DHDDS: variants seen among roughly 807,000 people sequenced by gnomAD.
DHDDS encodes dehydrodolichyl diphosphate synthase subunit, also known as dehydrodolichyl diphosphate synthase complex subunit DHDDS.
In DHDDS, 16 loss-of-function variants were observed where a neutral mutation model predicts 46.2. That is an observed-to-expected ratio of 0.35 (90% CI 0.23 to 0.53). The LOEUF (loss-of-function observed/expected upper bound fraction) is 0.53, where lower values mean the gene tolerates loss of function less well. DHDDS is among the 20% of genes least tolerant of loss of function. The pLI, the probability that DHDDS is intolerant of heterozygous loss-of-function variation, is 0.94. For missense variants in DHDDS, 340 were observed against 423.7 expected, an observed-to-expected ratio of 0.80 and a Z score of 1.73; for synonymous variants, 151 against 163.1, an observed-to-expected ratio of 0.93 and a Z score of 0.56.
At chr1:26,453,093 AACAC>A (rs57753843) in intron 6 of DHDDS, among the ~76,000 whole-genome samples, 2,505 of 146,466 alleles carry the variant, frequency 0.017, 41 homozygotes, top group African/African-American at 0.043. Context: ...CCCTGTCTGA[AACAC>A]ACACACACAC....
At chr1:26,435,991 C>G (rs1557432954) in intron 2 of DHDDS, among the ~76,000 whole-genome samples, 1 of 152,052 alleles carries the variant, frequency 6.6e-6, no homozygotes, top group African/African-American at 2.4e-5. Flanking sequence ...CTCAAGTGAT[C>G]CACCCACCTT....
intron 8 of DHDDS, among the ~76,000 whole-genome samples, chr1:26,461,667 G>T (rs527381426): frequency 3.0e-4 from 45 of 152,228 alleles, no homozygotes; most frequent in Non-Finnish European, 5.4e-4. Flanking sequence ...TTACAGGCAT[G>T]AGCCACCAAG....
intron 3 of DHDDS, 108 bp from the exon 4 acceptor site, chr1:26,442,623 G>A (rs2075229503): frequency 1.0e-5 from 14 of 1,364,742 alleles, no homozygotes; most frequent in Non-Finnish European, 1.5e-5. Flanking sequence ...TTGGGGAGGA[G>A]AAAAGTCTGT....
chr1:26,450,142 AGTCT>A lies in DHDDS; in HGVS notation c.542+2491_542+2494del, dbSNP rs199973650. ...AAGAGGGGATGAGAAAGCTAAGGAGAGTCTGTCTGTCTATCTGTGTATTTATCTA... is the reference window on the plus strand; with the variant it reads ...AAGAGGGGATGAGAAAGCTAAGGAGAGTCTGTCTATCTGTGTATTTATCTA... On this transcript the variant is annotated intron_variant, in intron 6 of 8. Coordinates refer to ENST00000236342, the MANE Select transcript of DHDDS (RefSeq NM_205861.3). Among the ~76,000 whole-genome samples the A allele has an allele frequency of 2.7e-3, 407 of 152,114 alleles. 1 individual carries two copies. The highest frequency in any genetic ancestry group is 9.1e-3 in the African/African-American group (379 of 41,472).
intron 5 of DHDDS, 47 bp downstream of exon 5, chr1:26,446,479 C>A (rs1273720229): frequency 2.5e-6 from 4 of 1,572,916 alleles, no homozygotes; most frequent in South Asian, 2.2e-5. Context: ...ATCTTTGATT[C>A]CCTGCTGGCT....
At chr1:26,466,095 A>T (rs1335506995) in intron 8 of DHDDS, 4 of 152,248 alleles carry the variant, frequency 2.6e-5, no homozygotes, top group Non-Finnish European at 5.9e-5. Context: ...ATTTAGATTC[A>T]TAGGTTAGAA....
rs1162665829 is a variant in DHDDS, at chr1:26,468,945, G to T, written c.816G>T (p.Arg272Ser). Residue 272 changes from arginine to serine, a missense_variant, in exon 9 of 9, where the codon AGG becomes AGT. Physicochemically the swap from Arg to Ser is moderately radical, Grantham distance 110. Coordinates refer to ENST00000236342, the MANE Select transcript of DHDDS (RefSeq NM_205861.3). ...AEERKRQQLE[R>S]DQATVTEQLL... ...AGCGGAAGAGGCAGCAGCTGGAGAG[G>T]GACCAGGCTACAGTGACAGAGCAGC... The T allele has an allele frequency of 3.7e-6, 6 of 1,614,036 alleles. No individual in the cohort carries two copies. In the South Asian group the frequency reaches 6.6e-5, roughly 18 times the overall value.
chr1:26,451,398 A>T (rs1474019530), intron 6 of DHDDS, among the ~76,000 whole-genome samples: 1 of 140,600 alleles, frequency 7.1e-6, no homozygotes, highest in African/African-American at 2.7e-5. Flanking sequence ...CAGGGTATGT[A>T]TGTAGATGTG....
intron 2 of DHDDS, among the ~76,000 whole-genome samples, chr1:26,436,698 C>A (rs2075161484): frequency 6.6e-6 from 1 of 151,828 alleles, no homozygotes; most frequent in Non-Finnish European, 1.5e-5. Flanking sequence ...GCTGGGATTA[C>A]AGGTATGAGC....
chr1:26,443,849 T>A (rs781073117), intron 4 of DHDDS, among the ~76,000 whole-genome samples: 20 of 152,228 alleles, frequency 1.3e-4, no homozygotes, highest in Non-Finnish European at 2.4e-4. Context: ...CTTACCTTTT[T>A]AAAGTGTTTA....
Position 26,471,158 on chromosome 1 carries a change from C to T in DHDDS, c.*2027C>T. 6.6e-6 allele frequency: 1 copy of T among 152,208 alleles called. No individual in the cohort carries two copies. The highest frequency in any genetic ancestry group is 1.9e-4 in the East Asian group (1 of 5,202). 9.4% of individuals were successfully genotyped at this position (152,208 alleles called of 1,614,324 possible). On this transcript the variant is annotated 3_prime_UTR_variant, in exon 9 of 9. Transcript: ENST00000236342. ...TTGCTTTGGACAGGTGTGATTTGTG[C>T]AAGCCAGGTTCAACCCTTGCCTCAA...
chr1:26,447,857 T>C, intron 6 of DHDDS, 197 bp downstream of exon 6: 1 of 644,992 alleles, frequency 1.6e-6, no homozygotes, highest in Non-Finnish European at 2.8e-6. Context: ...AGCAGGCCTG[T>C]ACCAAACCAT....
intron 6 of DHDDS, chr1:26,454,854 G>C (rs2075356058): frequency 6.3e-7 from 1 of 1,586,798 alleles, no homozygotes. Context: ...TCAATGACCA[G>C]AGAATCTACA....
chr1:26,455,953 A>G (rs950797535), intron 6 of DHDDS, among the ~76,000 whole-genome samples: 1 of 152,186 alleles, frequency 6.6e-6, no homozygotes, highest in African/African-American at 2.4e-5. Flanking sequence ...AGTTGGTAGG[A>G]CAGGTAAACA....
rs1482274316 is a variant in DHDDS, at chr1:26,471,208, G to A, written c.*2077G>A. 6.6e-6 allele frequency: 1 copy of A among 152,208 alleles called. No individual in the cohort carries two copies. Among genetic ancestry groups the A allele is most frequent in the Non-Finnish European group, 1.5e-5 (1 of 68,044 alleles). 9.4% of individuals were successfully genotyped at this position (152,208 alleles called of 1,614,324 possible). On this transcript the variant is annotated 3_prime_UTR_variant, in exon 9 of 9. Transcript: ENST00000236342. Reference sequence around the variant, plus strand: ...AGAAATCAGATGGGACCAATTTAGTGTCCTTCCACCTGTGAGCCAAGCCCC... The same window carrying A: ...AGAAATCAGATGGGACCAATTTAGTATCCTTCCACCTGTGAGCCAAGCCCC...
intron 6 of DHDDS, chr1:26,455,206 G>T: frequency 1.4e-6 from 1 of 723,254 alleles, no homozygotes. Context: ...ATTACCTCAG[G>T]CCGCTTAGGG....
intron 7 of DHDDS, among the ~76,000 whole-genome samples, chr1:26,459,043 T>C (rs2075398286): frequency 6.6e-6 from 1 of 152,222 alleles, no homozygotes; most frequent in Admixed American, 6.5e-5. Context: ...TCCTTCTTTA[T>C]GCTGGAAATA....
intron 2 of DHDDS, among the ~76,000 whole-genome samples, chr1:26,433,931 C>A (rs2075128301): frequency 6.6e-6 from 1 of 151,970 alleles, no homozygotes; most frequent in Admixed American, 6.6e-5. Context: ...AGATGGGATT[C>A]TCATATTGGC....
chr1:26,469,339 TC>T lies in DHDDS; in HGVS notation c.*211del. On this transcript the variant is annotated 3_prime_UTR_variant, in exon 9 of 9. Transcript: ENST00000236342. Reference sequence around the variant, plus strand: ...CTGAGGAGGATTGAGGGTGAAAGTCTCCCACGAGTACACTAAACCTAGGTCT... The same window carrying T: ...CTGAGGAGGATTGAGGGTGAAAGTCTCCACGAGTACACTAAACCTAGGTCT... The T allele has an allele frequency of 1.1e-6, 1 of 884,518 alleles. No individual in the cohort carries two copies. The highest frequency in any genetic ancestry group is 1.7e-6 in the Non-Finnish European group (1 of 577,248). The allele number at this position is 884,518 out of a possible 1,614,324, so 54.8% of individuals were successfully genotyped here. A position where few individuals can be genotyped will look rare whatever the true frequency, so the allele number is the denominator to read the frequency against.
Sources: allele counts gnomAD v4.1 joint callset (sites outside exome capture counted in the v4.1 genomes callset), GRCh38; gene constraint gnomAD v4.1.1; transcripts MANE v1.5; gene names NCBI Gene and HGNC (gene_info 2026-07-23, HGNC 2026-07-21).